The following BEST3 variants were observed in gnomAD, a reference collection of about 807,000 sequenced individuals.
BEST3 encodes bestrophin 3.
BEST3 carries 50 observed loss-of-function variants against 47.1 expected under a neutral mutation model. The observed-to-expected ratio is 1.06, with a 90% confidence interval of 0.85 to 1.34. The LOEUF (loss-of-function observed/expected upper bound fraction) is 1.34, where lower values mean the gene tolerates loss of function less well. BEST3 is among the 40% of genes most tolerant of loss of function. BEST3 has a pLI of 0.00. For missense variants in BEST3, 765 were observed against 817.0 expected, an observed-to-expected ratio of 0.94 and a Z score of 0.78; for synonymous variants, 282 against 298.8, an observed-to-expected ratio of 0.94 and a Z score of 0.58.
rs545255599 is a variant in BEST3, at chr12:69,655,537, G to A, written c.1377C>T (p.Ser459=). The change falls in exon 10 of 10, where the codon AGC becomes AGT. Residue 459 remains serine (S), a synonymous_variant. Coordinates refer to ENST00000330891, the MANE Select transcript of BEST3 (RefSeq NM_032735.3). ...TWKKSCFPEG[S]PTLHFSMGEL... Reference sequence around the variant, plus strand: ...CTCCCATGCTGAAGTGCAGCGTGGGGCTTCCTTCTGGGAAGCAGGATTTCT... The same window carrying A: ...CTCCCATGCTGAAGTGCAGCGTGGGACTTCCTTCTGGGAAGCAGGATTTCT... 2.9e-5 allele frequency: 46 copies of A among 1,614,006 alleles called. 1 individual carries two copies. The highest frequency in any genetic ancestry group is 3.7e-5 in the Non-Finnish European group (44 of 1,180,012).
At position 69,654,578 on chromosome 12, in the gene BEST3, C is replaced by A. The variant is rs1883340695; in HGVS notation, c.*329G>T. 3 of 1,039,994 alleles carry A rather than the reference C, an allele frequency of 2.9e-6. No individual in the cohort carries two copies. Among genetic ancestry groups the A allele is most frequent in the Admixed American group, 4.9e-5 (1 of 20,476 alleles). The allele number at this position is 1,039,994 out of a possible 1,614,324, so 64.4% of individuals were successfully genotyped here. On this transcript the variant is annotated 3_prime_UTR_variant, in exon 10 of 10. Coordinates refer to ENST00000330891, the MANE Select transcript of BEST3 (RefSeq NM_032735.3). ...GGGGATTGGACTATGATCTATGAGA[C>A]TCTTTCCACAACTAATAATCTATGA...
chr12:69,696,368 T>G (rs1184282828), intron 2 of BEST3, among the ~76,000 whole-genome samples: 3 of 152,190 alleles, frequency 2.0e-5, no homozygotes, highest in African/African-American at 4.8e-5. Flanking sequence ...TAAGGGCTAT[T>G]CTGTTCTATT....
intron 7 of BEST3, among the ~76,000 whole-genome samples, chr12:69,676,437 A>T (rs1201875714): frequency 6.6e-6 from 1 of 152,006 alleles, no homozygotes; most frequent in African/African-American, 2.4e-5. Context: ...AAAAAAAGAA[A>T]ATGGGGTACA....
intron 7 of BEST3, among the ~76,000 whole-genome samples, chr12:69,676,282 G>T (rs1884911238): frequency 6.6e-6 from 1 of 152,146 alleles, no homozygotes; most frequent in African/African-American, 2.4e-5. Flanking sequence ...ACCAGGCGCG[G>T]TGGCTCACGC....
intron 7 of BEST3, among the ~76,000 whole-genome samples, chr12:69,674,887 T>G (rs1884803698): frequency 7.1e-6 from 1 of 140,712 alleles, no homozygotes; most frequent in African/African-American, 2.6e-5. Context: ...ATGGTTTAGG[T>G]TTGCCTTTTT....
chr12:69,671,377 C>A, intron 9 of BEST3, 51 bp downstream of exon 9: 1 of 1,491,130 alleles, frequency 6.7e-7, no homozygotes, highest in Non-Finnish European at 9.1e-7. Context: ...CAAGGTCTCA[C>A]TATGTTGCTC....
At chr12:69,691,652 C>G (rs546882312) in intron 4 of BEST3, among the ~76,000 whole-genome samples, 1 of 152,026 alleles carries the variant, frequency 6.6e-6, no homozygotes, top group African/African-American at 2.4e-5. Context: ...ATTAGCCAGG[C>G]GTGGTGGTGT....
intron 4 of BEST3, among the ~76,000 whole-genome samples, chr12:69,692,057 T>A (rs748504192): frequency 2.0e-5 from 3 of 152,240 alleles, no homozygotes; most frequent in Non-Finnish European, 4.4e-5. Flanking sequence ...CTGGTCTGTG[T>A]GTATGCCTCA....
chr12:69,699,032 C>T (rs1423534516), intron 1 of BEST3, among the ~76,000 whole-genome samples, 173 bp downstream of exon 1: 14 of 152,172 alleles, frequency 9.2e-5, no homozygotes, highest in Admixed American at 9.2e-4. Flanking sequence ...AAATTAAACC[C>T]ATTTCATAAT....
intron 7 of BEST3, 80 bp downstream of exon 7, chr12:69,676,836 C>T (rs1183224308): frequency 2.1e-6 from 3 of 1,435,230 alleles, no homozygotes; most frequent in Admixed American, 3.9e-5. Flanking sequence ...GAATGATTTG[C>T]TAAAGACTCA....
At chr12:69,649,089 G>T (rs1171360889), downstream of BEST3, among the ~76,000 whole-genome samples, 1 of 152,142 alleles carries the variant, frequency 6.6e-6, no homozygotes, top group Non-Finnish European at 1.5e-5. Context: ...CTGCCTCCCG[G>T]GTTCAAGTGA....
intron 2 of BEST3, 124 bp from the exon 3 acceptor site, chr12:69,694,588 T>G: frequency 2.1e-6 from 1 of 467,670 alleles, no homozygotes; most frequent in Non-Finnish European, 3.6e-6. Flanking sequence ...TCAATAATTT[T>G]TTCCTTTTTT....
At chr12:69,656,933 A>G (rs1474657454) in intron 9 of BEST3, among the ~76,000 whole-genome samples, 1 of 152,186 alleles carries the variant, frequency 6.6e-6, no homozygotes, top group Non-Finnish European at 1.5e-5. Flanking sequence ...GGTTAAAAAA[A>G]GAGAAATTGG....
intron 9 of BEST3, among the ~76,000 whole-genome samples, chr12:69,663,067 C>T (rs1883966168): frequency 6.6e-6 from 1 of 152,142 alleles, no homozygotes; most frequent in Non-Finnish European, 1.5e-5. Flanking sequence ...TTTTGATTTT[C>T]AAGATAGGAC....
At chr12:69,677,113 CGCA>C (rs1565834053) in intron 6 of BEST3, 45 bp from the exon 7 acceptor site, 2 of 1,613,856 alleles carry the variant, frequency 1.2e-6, no homozygotes, top group Non-Finnish European at 1.7e-6. Flanking sequence ...GCTGGCCTCC[CGCA>C]GCGAAGCTAC....
rs2135908702 is a variant in BEST3, at chr12:69,655,350, A to G, written c.1564T>C (p.Ser522Pro). 4 of 1,614,102 alleles carry G rather than the reference A, an allele frequency of 2.5e-6. No individual in the cohort carries two copies. The East Asian group carries it at 8.9e-5, about 36-fold the overall frequency. Reference sequence around the variant, plus strand: ...TCAGAGCTCAAGATGGAGGTAGCGGAATCATGGTGGTAGCCCCCTGATGTG... The same window carrying G: ...TCAGAGCTCAAGATGGAGGTAGCGGGATCATGGTGGTAGCCCCCTGATGTG... ...VPTSGGYHHD[S>P]ATSILSSEFT... Residue 522 changes from serine (S) to proline (P), a missense_variant, in exon 10 of 10, where the codon TCC becomes CCC. Coordinates refer to ENST00000330891, the MANE Select transcript of BEST3 (RefSeq NM_032735.3).
chr12:69,653,574 T>G (rs528081085), downstream of BEST3: 27 of 914,180 alleles, frequency 3.0e-5, no homozygotes, highest in African/African-American at 4.5e-4. Context: ...TAAGATTCGC[T>G]GCTGCCTGGA....
rs766829706 is a variant in BEST3, at chr12:69,694,478, A to G, written c.153-14T>C. On this transcript the variant is annotated splice_polypyrimidine_tract_variant and intron_variant, in intron 2 of 9. Transcript: ENST00000330891. ...GTAAGTAACAATCTGGAGCAAAAAT[A>G]AAATGCACAGCCCTTTATGATATTA... 3 of 1,470,160 alleles carry G rather than the reference A, an allele frequency of 2.0e-6. No homozygotes were observed. Among genetic ancestry groups the G allele is most frequent in the Admixed American group, 1.8e-5 (1 of 56,198 alleles). The allele number at this position is 1,470,160 out of a possible 1,614,324, so 91.1% of individuals were successfully genotyped here.
At chr12:69,649,656 T>C (rs943668642), downstream of BEST3, among the ~76,000 whole-genome samples, 7 of 152,338 alleles carry the variant, frequency 4.6e-5, no homozygotes, top group African/African-American at 9.6e-5. Context: ...TTGGGCCAAA[T>C]AGTTGTGGAC....
Sources: gnomAD v4.1 joint callset for allele counts (sites outside exome capture counted in the v4.1 genomes callset) on GRCh38, gnomAD v4.1.1 for gene constraint, MANE v1.5 for transcripts, NCBI Gene and HGNC (gene_info 2026-07-23, HGNC 2026-07-21) for gene names.